RFC3: variants seen among roughly 807,000 people sequenced by gnomAD.
RFC3 encodes the protein A1 38 kDa subunit.
RFC3 carries 41 observed loss-of-function variants against 45.1 expected under a neutral mutation model. That is an observed-to-expected ratio of 0.91 (90% CI 0.71 to 1.18). The LOEUF is 1.18. Ranked by LOEUF, RFC3 falls within the 50% of genes most tolerant of loss-of-function variation. The probability of loss-of-function intolerance (pLI) is 0.00; values close to 1 mark genes in which losing one functional copy is unlikely to be tolerated. For missense variants in RFC3, 423 were observed against 428.1 expected (o/e 0.99, Z 0.10); for synonymous variants, 149 against 144.0 (o/e 1.03, Z -0.25).
intron 4 of RFC3, among the ~76,000 whole-genome samples, chr13:33,829,290 T>C (rs899926447): frequency 6.6e-6 from 1 of 152,236 alleles, no homozygotes; most frequent in African/African-American, 2.4e-5. Flanking sequence ...CTACATCTCT[T>C]GCACCACTGT....
At chr13:33,835,631 T>C (rs1002022266) in intron 8 of RFC3, among the ~76,000 whole-genome samples, 5 of 152,178 alleles carry the variant, frequency 3.3e-5, no homozygotes, top group African/African-American at 1.2e-4. Flanking sequence ...CGTGTATATA[T>C]GTGGTTTCAC....
intron 7 of RFC3, among the ~76,000 whole-genome samples, chr13:33,832,453 G>A (rs2082113616): frequency 6.6e-6 from 1 of 152,128 alleles, no homozygotes. Flanking sequence ...TTCTTCAAAG[G>A]TATTGTAACA....
intron 8 of RFC3, among the ~76,000 whole-genome samples, chr13:33,916,413 A>C (rs1358480480): frequency 6.6e-6 from 1 of 152,168 alleles, no homozygotes; most frequent in Admixed American, 6.5e-5. Context: ...TTAGATAAAA[A>C]TCACTGTAGG....
intron 8 of RFC3, among the ~76,000 whole-genome samples, chr13:33,901,863 A>G (rs2082644050): frequency 6.6e-6 from 1 of 152,092 alleles, no homozygotes; most frequent in Admixed American, 6.6e-5. Context: ...CAAAAAAACA[A>G]AATCTCATGA....
intron 8 of RFC3, among the ~76,000 whole-genome samples, chr13:33,947,666 C>G (rs1304676694): frequency 3.9e-5 from 6 of 152,104 alleles, no homozygotes; most frequent in Non-Finnish European, 1.5e-5. Context: ...TTGGAACTTC[C>G]TAGAGACTTG....
the RFC3 span, among the ~76,000 whole-genome samples, chr13:33,976,877 G>A: frequency 6.6e-6 from 1 of 152,076 alleles, no homozygotes; most frequent in East Asian, 1.9e-4. Flanking sequence ...ATGAAAAAGG[G>A]AGAAAAAACT....
At chr13:33,886,206 GC>G (rs370374066) in intron 8 of RFC3, among the ~76,000 whole-genome samples, 95 of 152,232 alleles carry the variant, frequency 6.2e-4, no homozygotes, top group African/African-American at 2.2e-3. Flanking sequence ...CGTAGACATA[GC>G]CACATGCCTG....
downstream of RFC3, among the ~76,000 whole-genome samples, chr13:33,841,819 C>T (rs2082200854): frequency 6.6e-6 from 1 of 152,108 alleles, no homozygotes; most frequent in Non-Finnish European, 1.5e-5. Context: ...AAAATAGGGG[C>T]ATGATATTTC....
intron 8 of RFC3, among the ~76,000 whole-genome samples, chr13:33,925,338 C>T (rs1257062981): frequency 2.0e-5 from 1 of 49,190 alleles, no homozygotes; most frequent in African/African-American, 4.5e-5. Context: ...ATATAGTGTA[C>T]TATATACATA....
At chr13:33,875,957 A>G (rs764129207) in intron 8 of RFC3, among the ~76,000 whole-genome samples, 1 of 152,082 alleles carries the variant, frequency 6.6e-6, no homozygotes, top group Non-Finnish European at 1.5e-5. Context: ...TGTTTAGTAT[A>G]TTGCTGGGCA....
chr13:33,889,136 G>A (rs1016173496), intron 8 of RFC3, among the ~76,000 whole-genome samples: 4 of 152,176 alleles, frequency 2.6e-5, no homozygotes, highest in Admixed American at 6.5e-5. Flanking sequence ...GCTGAAAGAC[G>A]AGACTGGACT....
intron 8 of RFC3, among the ~76,000 whole-genome samples, chr13:33,856,590 A>T (rs537718812): frequency 6.6e-6 from 1 of 152,354 alleles, no homozygotes; most frequent in African/African-American, 2.4e-5. Context: ...TAAGCAAGTC[A>T]TGGAATACAG....
intron 8 of RFC3, among the ~76,000 whole-genome samples, chr13:33,911,161 A>G (rs980613719): frequency 3.3e-5 from 5 of 152,082 alleles, no homozygotes; most frequent in African/African-American, 4.8e-5. Flanking sequence ...GGACAGTTCA[A>G]TCACCCATTT....
intron 8 of RFC3, among the ~76,000 whole-genome samples, chr13:33,882,753 A>G (rs1254810379): frequency 6.6e-6 from 1 of 152,330 alleles, no homozygotes; most frequent in Non-Finnish European, 1.5e-5. Context: ...AAGAAACTCC[A>G]TAAAACTTCT....
intron 8 of RFC3, among the ~76,000 whole-genome samples, chr13:33,953,479 G>T (rs2137838676): frequency 6.6e-6 from 1 of 152,158 alleles, no homozygotes; most frequent in South Asian, 2.1e-4. Context: ...ACAGTGAGTA[G>T]AAAAATCTTT....
At position 33,944,707 on chromosome 13, in the gene RFC3, G is replaced by A. The variant is rs79353605; in HGVS notation, c.880-21380G>A. Among the ~76,000 whole-genome samples the A allele has an allele frequency of 9.4e-3, 1,435 of 152,152 alleles. 14 individuals are homozygous for A. The highest frequency in any genetic ancestry group is 0.032 in the African/African-American group (1,336 of 41,500). On this transcript the variant is annotated intron_variant, in intron 8 of 8. Transcript: ENST00000434425. ...TCAAGGTGCAGGAATCTTCAGTTTT[G>A]CGACTAAAGTTAGCACTTGAGAATG...
chr13:33,897,608 A>G (rs1339647622), intron 8 of RFC3, among the ~76,000 whole-genome samples: 6 of 152,140 alleles, frequency 3.9e-5, no homozygotes, highest in African/African-American at 1.4e-4. Flanking sequence ...GAATTCTCCA[A>G]TTAAAAGGCA....
chr13:33,899,204 C>CAAAAA (rs59221382), intron 8 of RFC3, among the ~76,000 whole-genome samples: 98 of 51,966 alleles, frequency 1.9e-3, no homozygotes, highest in African/African-American at 3.9e-3. Flanking sequence ...CACAATAAGA[C>CAAAAA]AAAAAAAAAA....
chr13:33,853,295 A>G (rs1282609576), intron 8 of RFC3, among the ~76,000 whole-genome samples: 1 of 152,178 alleles, frequency 6.6e-6, no homozygotes, highest in African/African-American at 2.4e-5. Context: ...CTGAGACCCA[A>G]ATTGTGATTT....
Sources: gnomAD v4.1 joint callset for allele counts (sites outside exome capture counted in the v4.1 genomes callset) on GRCh38, gnomAD v4.1.1 for gene constraint, MANE v1.5 for transcripts, NCBI Gene and HGNC (gene_info 2026-07-23, HGNC 2026-07-21) for gene names.